The following PCK1 variants were observed in gnomAD, a reference collection of about 807,000 sequenced individuals.
PCK1 encodes phosphoenolpyruvate carboxykinase, cytosolic [GTP].
PCK1 carries 44 observed loss-of-function variants against 50.3 expected under a neutral mutation model. The observed-to-expected ratio is 0.87, with a 90% CI of 0.69 to 1.12. PCK1 has a LOEUF of 1.12. Ranked by LOEUF, PCK1 falls within the 50% of genes most tolerant of loss-of-function variation. PCK1 has a pLI of 0.00. For missense variants in PCK1, 790 were observed against 815.0 expected (o/e 0.97, Z 0.37); for synonymous variants, 332 against 314.3 (o/e 1.06, Z -0.59).
At chr20:57,563,354 T>G (rs2070170664) in intron 5 of PCK1, 139 bp downstream of exon 5, 13 of 795,208 alleles carry the variant, frequency 1.6e-5, no homozygotes, top group South Asian at 1.0e-4. Flanking sequence ...CCACCAGTAA[T>G]GATTAGTTTA....
intron 2 of PCK1, 177 bp from the exon 3 acceptor site, chr20:57,561,894 C>A: frequency 3.2e-6 from 2 of 626,596 alleles, no homozygotes; most frequent in South Asian, 4.0e-5. Context: ...CTCCTACAGA[C>A]CAGGTCCTAG....
rs2070196178 is a variant in PCK1, at chr20:57,565,601, G to A, written c.1666G>A (p.Gly556Ser). 1 of 1,614,028 alleles carries A rather than the reference G, an allele frequency of 6.2e-7. No individual in the cohort carries two copies. Among genetic ancestry groups the A allele is most frequent in the Non-Finnish European group, 8.5e-7 (1 of 1,180,024 alleles). ...AGCCAGCACCAAGCTCACGCCCATA[G>A]GCTACATCCCCAAGGAGGATGCCCT... ...GKASTKLTPIGYIPKEDALNL... is the reference protein window; with the variant it reads ...GKASTKLTPISYIPKEDALNL... The change falls in exon 10 of 10, where the codon GGC (glycine) becomes AGC (serine). Residue 556 changes from glycine to serine, a missense_variant. By Grantham distance (56) the Gly-to-Ser change is moderately conservative. Coordinates refer to ENST00000319441, the MANE Select transcript of PCK1 (RefSeq NM_002591.4).
In PCK1 at chr20:57,564,193, A is replaced by G. The variant is rs1320336027; in HGVS notation, c.986A>G (p.Glu329Gly). 3 of 1,613,848 alleles carry G rather than the reference A, an allele frequency of 1.9e-6. No homozygotes were observed. The highest frequency in any genetic ancestry group is 1.3e-5 in the African/African-American group (1 of 74,912). ...GGTCATTTAAGGGCCATCAACCCAGAAAATGGCTTTTTCGGTGTCGCTCCT... is the reference window on the plus strand; with the variant it reads ...GGTCATTTAAGGGCCATCAACCCAGGAAATGGCTTTTTCGGTGTCGCTCCT... ...AQGHLRAINP[E>G]NGFFGVAPGT... The change falls in exon 7 of 10, where the codon GAA (glutamate) becomes GGA (glycine). Residue 329 changes from glutamate to glycine, a missense_variant. Transcript: ENST00000319441.
intron 9 of PCK1, 89 bp from the exon 10 acceptor site, chr20:57,565,261 G>A: frequency 7.6e-7 from 1 of 1,317,814 alleles, no homozygotes; most frequent in Non-Finnish European, 1.1e-6. Context: ...AGAGAGAGGA[G>A]AACAAAGCAT....
Position 57,562,829 on chromosome 20 carries a change from C to T in PCK1, c.540C>T (p.Val180=), listed in dbSNP as rs781714230. The change falls in exon 4 of 10, where the codon GTC becomes GTT. Residue 180 remains valine (V), a synonymous_variant. Transcript: ENST00000319441. ...MRIMTRMGTP[V]LEAVGDGEFV... is the part of the protein sequence containing the mutation. ...TCATGACGCGGATGGGCACGCCCGT[C>T]CTGGAAGCAGTGGGCGATGGGGAGT... is the stretch of plus-strand genomic sequence containing the variant. 1.2e-5 allele frequency: 19 copies of T among 1,613,906 alleles called. No individual in the cohort carries two copies. The highest frequency in any genetic ancestry group is 1.0e-4 in the Admixed American group (6 of 60,000).
At chr20:57,564,806 T>C (rs2070187588) in intron 8 of PCK1, 193 bp downstream of exon 8, 4 of 629,978 alleles carry the variant, frequency 6.3e-6, no homozygotes, top group Non-Finnish European at 1.1e-5. Context: ...CTGGAACCTT[T>C]CTGAATCCCT....
Position 57,563,067 on chromosome 20 carries a change from C to G in PCK1, c.650C>G (p.Thr217Arg). Reference protein sequence around the residue: ...VNNWPCNPELTLIAHLPDRRE... With the variant: ...VNNWPCNPELRLIAHLPDRRE... ...AACTGGCCCTGCAACCCGGAGCTGACGCTCATCGCCCACCTGCCTGACCGC... is the reference window on the plus strand; with the variant it reads ...AACTGGCCCTGCAACCCGGAGCTGAGGCTCATCGCCCACCTGCCTGACCGC... Residue 217 changes from threonine to arginine, a missense_variant, in exon 5 of 10, where the codon ACG (threonine) becomes AGG (arginine). Physicochemically the swap from Thr to Arg is moderately conservative, Grantham distance 71. Coordinates refer to ENST00000319441, the MANE Select transcript of PCK1 (RefSeq NM_002591.4). 1 of 1,614,046 alleles carries G rather than the reference C, an allele frequency of 6.2e-7. No individual in the cohort carries two copies. The highest frequency in any genetic ancestry group is 8.5e-7 in the Non-Finnish European group (1 of 1,179,994).
At chr20:57,564,711 C>A in intron 8 of PCK1, 98 bp downstream of exon 8, 1 of 1,109,354 alleles carries the variant, frequency 9.0e-7, no homozygotes, top group Non-Finnish European at 1.3e-6. Context: ...TCAGAGGGTG[C>A]CCAGGGGCTT....
At chr20:57,564,116 T>C in intron 6 of PCK1, 53 bp from the exon 7 acceptor site, 3 of 1,139,854 alleles carry the variant, frequency 2.6e-6, no homozygotes, top group Non-Finnish European at 3.9e-6. Flanking sequence ...TAAGAGTATA[T>C]GTTCTGCTTT....
intron 3 of PCK1, 25 bp downstream of exon 3, chr20:57,562,277 G>A (rs751084889): frequency 6.3e-7 from 1 of 1,594,398 alleles, no homozygotes; most frequent in African/African-American, 1.3e-5. Context: ...GATTTGATTG[G>A]GTAAAACAGC....
rs755464479 is a variant in PCK1 at position 57,564,243 on chromosome 20, A to G, written c.1036A>G (p.Asn346Asp). The change falls in exon 7 of 10, where the codon AAT (asparagine) becomes GAT (aspartate). Residue 346 changes from asparagine (N) to aspartate (D), a missense_variant. Transcript: ENST00000319441. The part of the protein sequence containing the change: ...APGTSVKTNP[N>D]AIKTIQKNTI... Reference sequence around the variant, plus strand: ...TGGGACTTCAGTGAAGACCAACCCCAATGCCATCAAGACCATCCAGAAGAA... The same window carrying G: ...TGGGACTTCAGTGAAGACCAACCCCGATGCCATCAAGACCATCCAGAAGAA... 1.2e-6 allele frequency: 2 copies of G among 1,614,122 alleles called. No individual in the cohort carries two copies. The highest frequency in any genetic ancestry group is 2.2e-5 in the South Asian group (2 of 91,076).
chr20:57,563,039 A>G lies in PCK1; in HGVS notation c.622A>G (p.Asn208Asp). ...GTCCTTGTTCACAGAGCCTTTGGTC[A>G]ACAACTGGCCCTGCAACCCGGAGCT... ...CPLPLQKPLVNNWPCNPELTL... is the reference protein window; with the variant it reads ...CPLPLQKPLVDNWPCNPELTL... The change falls in exon 5 of 10, where the codon AAC becomes GAC. Residue 208 changes from asparagine to aspartate, a missense_variant. Transcript: ENST00000319441. 6.2e-7 allele frequency: 1 copy of G among 1,613,466 alleles called. No homozygotes were observed. The highest frequency in any genetic ancestry group is 8.5e-7 in the Non-Finnish European group (1 of 1,179,592).
chr20:57,564,360 T>C lies in PCK1; in HGVS notation c.1153T>C (p.Ser385Pro). 6.2e-7 allele frequency: 1 copy of C among 1,614,110 alleles called. No individual in the cohort carries two copies. The highest frequency in any genetic ancestry group is 8.5e-7 in the Non-Finnish European group (1 of 1,179,990). ...EPLASGVTIT[S>P]WKNKEWSSED... is the part of the protein sequence containing the mutation. ...GCTAGCTTCAGGTGTCACCATCACG[T>C]CCTGGAAGAATAAGGAGTGGAGCTC... The change falls in exon 7 of 10, where the codon TCC becomes CCC. Residue 385 changes from serine (S) to proline (P), a missense_variant. Ser to Pro is a moderately conservative substitution (Grantham distance 74, BLOSUM62 -1). Coordinates refer to ENST00000319441, the MANE Select transcript of PCK1 (RefSeq NM_002591.4).
At chr20:57,561,708 G>A in intron 2 of PCK1, 73 bp downstream of exon 2, 1 of 1,046,802 alleles carries the variant, frequency 9.6e-7, no homozygotes, top group Non-Finnish European at 1.5e-6. Context: ...GGAGTTGGTG[G>A]AGAAAGGTGA....
In PCK1 at chr20:57,565,895, A is replaced by G; in HGVS notation, c.*91A>G. The G allele has an allele frequency of 2.2e-6, 2 of 904,082 alleles. No individual in the cohort carries two copies. Among genetic ancestry groups the G allele is most frequent in the Non-Finnish European group, 3.3e-6 (2 of 605,298 alleles). The allele number at this position is 904,082 out of a possible 1,614,324, so 56.0% of individuals were successfully genotyped here. ...AGAGAGGGCAAGTGTTCCCAAATTGACGCCACCATAATAATCATCACCACA... is the reference window on the plus strand; with the variant it reads ...AGAGAGGGCAAGTGTTCCCAAATTGGCGCCACCATAATAATCATCACCACA... On this transcript the variant is annotated 3_prime_UTR_variant, in exon 10 of 10. Coordinates refer to ENST00000319441, the MANE Select transcript of PCK1 (RefSeq NM_002591.4).
At position 57,565,065 on chromosome 20, in the gene PCK1, C is replaced by T. The variant is rs2146530519; in HGVS notation, c.1344C>T (p.Leu448=). 6.2e-7 allele frequency: 1 copy of T among 1,613,784 alleles called. No individual in the cohort carries two copies. The highest frequency in any genetic ancestry group is 8.5e-7 in the Non-Finnish European group (1 of 1,179,818). The change falls in exon 9 of 10, where the codon CTC becomes CTT. Residue 448 remains leucine (L), a synonymous_variant. Coordinates refer to ENST00000319441, the MANE Select transcript of PCK1 (RefSeq NM_002591.4). ...GTGTCCCTCTAGTCTATGAAGCTCT[C>T]AGCTGGCAACATGGAGTCTTTGTGG... ...PAGVPLVYEA[L]SWQHGVFVGA...
chr20:57,563,275 C>A, intron 5 of PCK1, 60 bp downstream of exon 5: 1 of 1,475,898 alleles, frequency 6.8e-7, no homozygotes, highest in Non-Finnish European at 9.4e-7. Flanking sequence ...CAGAAACAAA[C>A]AGCATTACAG....
At position 57,562,057 on chromosome 20, in the gene PCK1, T is replaced by C. The variant is rs902242350; in HGVS notation, c.225-14T>C. 6.2e-7 allele frequency: 1 copy of C among 1,611,014 alleles called. No homozygotes were observed. Among genetic ancestry groups the C allele is most frequent in the African/African-American group, 1.3e-5 (1 of 74,842 alleles). ...CGTGGTGCTTGGCTGAAAGGAAGCC[T>C]GTGATTTTTGCAGCTGGTTGGCTCT... On this transcript the variant is annotated splice_polypyrimidine_tract_variant and intron_variant, in intron 2 of 9. Coordinates refer to ENST00000319441, the MANE Select transcript of PCK1 (RefSeq NM_002591.4).
At chr20:57,565,299 T>C in intron 9 of PCK1, 51 bp from the exon 10 acceptor site, 2 of 1,475,362 alleles carry the variant, frequency 1.4e-6, no homozygotes, top group Non-Finnish European at 1.9e-6. Context: ...ATGGCGTCAG[T>C]CTTGCCTAGG....
Sources: allele counts gnomAD v4.1 joint callset, GRCh38; gene constraint gnomAD v4.1.1; transcripts MANE v1.5; gene names NCBI Gene and HGNC (gene_info 2026-07-23, HGNC 2026-07-21).